GTF2IRD2: variants seen among roughly 807,000 people sequenced by gnomAD.
The protein encoded by GTF2IRD2 is GTF2I repeat domain containing 2.
GTF2IRD2 carries 8 observed loss-of-function variants against 49.2 expected under a neutral mutation model. The observed-to-expected ratio is 0.16, with a 90% confidence interval of 0.10 to 0.29. GTF2IRD2 has a LOEUF of 0.29. GTF2IRD2 is among the 10% of genes least tolerant of loss of function. The probability of loss-of-function intolerance (pLI) is 1.00; values close to 1 mark genes in which losing one functional copy is unlikely to be tolerated. For missense variants in GTF2IRD2, 130 were observed against 725.7 expected (o/e 0.18, Z 9.43); for synonymous variants, 47 against 289.7 (o/e 0.16, Z 8.51).
chr7:74,823,116 C>T (rs1374964544), intron 4 of GTF2IRD2, among the ~76,000 whole-genome samples: 1 of 95,126 alleles, frequency 1.1e-5, no homozygotes, highest in South Asian at 3.9e-4. Flanking sequence ...TGAGCTCAGG[C>T]GATCTACCCA....
rs1554420376 is a variant in GTF2IRD2, at chr7:74,831,483, A to T, written c.238+1322T>A. ...CTTTATATACCCTCTGCCAATCCAT[A>T]GAGACCCCTCTCTCTGTACATACAC... On this transcript the variant is annotated intron_variant, in intron 3 of 15. Coordinates refer to ENST00000451013, the MANE Select transcript of GTF2IRD2 (RefSeq NM_173537.5). Among the ~76,000 whole-genome samples the T allele has an allele frequency of 4.1e-5, 6 of 146,038 alleles. No homozygotes were observed. The South Asian group carries it at 8.8e-4, about 21-fold the overall frequency.
At chr7:74,798,795 C>A (rs2131627649) in intron 15 of GTF2IRD2, among the ~76,000 whole-genome samples, 1 of 136,136 alleles carries the variant, frequency 7.3e-6, no homozygotes, top group East Asian at 2.3e-4. Context: ...AAGCATGAGC[C>A]ACTGCACCCA....
At chr7:74,836,133 T>G in intron 2 of GTF2IRD2, 147 bp downstream of exon 2, 1 of 808,406 alleles carries the variant, frequency 1.2e-6, no homozygotes, top group South Asian at 1.5e-5. Context: ...ATTGTGCCAC[T>G]GCACTCCAGC....
chr7:74,807,314 A>G (rs1797854656), intron 11 of GTF2IRD2, among the ~76,000 whole-genome samples: 2 of 104,782 alleles, frequency 1.9e-5, no homozygotes, highest in South Asian at 4.0e-4. Context: ...GACTGAGTCT[A>G]TCACCCAGGC....
intron 1 of GTF2IRD2, 149 bp from the exon 2 acceptor site, chr7:74,836,532 T>C (rs1800350452): frequency 1.5e-6 from 1 of 659,090 alleles, no homozygotes; most frequent in Admixed American, 2.5e-5. Flanking sequence ...GACTTGCCCA[T>C]GAGCTCCTGA....
At chr7:74,824,152 C>T (rs1390316656) in intron 4 of GTF2IRD2, among the ~76,000 whole-genome samples, 4 of 130,514 alleles carry the variant, frequency 3.1e-5, no homozygotes, top group South Asian at 2.7e-4. Context: ...GGCAACAGAG[C>T]GAGACTCTGC....
chr7:74,825,803 T>TG (rs1563016883), intron 3 of GTF2IRD2, among the ~76,000 whole-genome samples: 4 of 2,050 alleles, frequency 2.0e-3, no homozygotes, highest in Non-Finnish European at 8.0e-4. Context: ...TTCTTTCTTC[T>TG]TTTTTTTTTT....
chr7:74,807,268 C>T (rs1797850327), intron 11 of GTF2IRD2, among the ~76,000 whole-genome samples: 1 of 106,472 alleles, frequency 9.4e-6, no homozygotes, highest in African/African-American at 3.3e-5. Flanking sequence ...CAGACATGCA[C>T]CATCATGCTT....
intron 3 of GTF2IRD2, among the ~76,000 whole-genome samples, chr7:74,830,550 G>A (rs1215617641): frequency 6.8e-6 from 1 of 146,606 alleles, no homozygotes; most frequent in Non-Finnish European, 1.5e-5. Flanking sequence ...AAAAAAGAAA[G>A]AAATCATATC....
chr7:74,838,338 G>A (rs1342514451), intron 1 of GTF2IRD2, among the ~76,000 whole-genome samples: 7 of 132,030 alleles, frequency 5.3e-5, no homozygotes, highest in Non-Finnish European at 1.1e-4. Flanking sequence ...ACTTCCCTTC[G>A]GACTTCTGTC....
At chr7:74,835,918 G>C (rs1800264081) in intron 2 of GTF2IRD2, among the ~76,000 whole-genome samples, 1 of 123,032 alleles carries the variant, frequency 8.1e-6, no homozygotes, top group African/African-American at 4.9e-5. Context: ...CCGGGAGGCG[G>C]AGGTTGCAGT....
chr7:74,806,415 TTCTTCAGCCTCA>T (rs1554417247), intron 12 of GTF2IRD2, among the ~76,000 whole-genome samples: 1 of 147,142 alleles, frequency 6.8e-6, no homozygotes, highest in African/African-American at 2.5e-5. Flanking sequence ...GTTCACGCCA[TTCTTCAGCCTCA>T]GCCTCCCGAG....
intron 4 of GTF2IRD2, 30 bp from the exon 5 acceptor site, chr7:74,822,837 G>C: frequency 6.5e-7 from 1 of 1,549,218 alleles, no homozygotes; most frequent in Non-Finnish European, 8.7e-7. Context: ...TCTTTGGATG[G>C]TGTGAACCTA....
intron 10 of GTF2IRD2, among the ~76,000 whole-genome samples, chr7:74,810,139 G>A (rs1162521598): frequency 7.2e-4 from 12 of 16,564 alleles, no homozygotes; most frequent in African/African-American, 1.7e-3. Flanking sequence ...ACAAACCACC[G>A]TAGGAATTTA....
rs1264130624 is a variant in GTF2IRD2, at chr7:74,796,494, G to A, written c.*168C>T. On this transcript the variant is annotated 3_prime_UTR_variant, in exon 16 of 16. Transcript: ENST00000451013. ...GGAGAATCGTTCGAACCCAGGAGCT[G>A]GAAGTTGCAGTAAGCCGAGATCACG... 2 of 568,770 alleles carry A rather than the reference G, an allele frequency of 3.5e-6. No individual in the cohort carries two copies. The highest frequency in any genetic ancestry group is 3.8e-5 in the African/African-American group (2 of 52,724). The allele number at this position is 568,770 out of a possible 1,614,324, so 35.2% of individuals were successfully genotyped here.
intron 15 of GTF2IRD2, among the ~76,000 whole-genome samples, chr7:74,798,491 A>C (rs1554416621): frequency 6.6e-6 from 1 of 151,694 alleles, no homozygotes; most frequent in South Asian, 2.1e-4. Flanking sequence ...TTTCTAAAGA[A>C]AACCTGAAGA....
At chr7:74,830,917 AAC>A (rs1307504150) in intron 3 of GTF2IRD2, among the ~76,000 whole-genome samples, 9 of 131,442 alleles carry the variant, frequency 6.8e-5, no homozygotes, top group African/African-American at 2.3e-4. Context: ...CCAATTTCAG[AAC>A]AGTTTCATTA....
intron 3 of GTF2IRD2, among the ~76,000 whole-genome samples, chr7:74,832,147 C>T: frequency 1.4e-4 from 1 of 6,996 alleles, no homozygotes; most frequent in East Asian, 1.5e-3. Flanking sequence ...CCTGTAATTC[C>T]AGTACTTTGG....
At chr7:74,843,063 T>C (rs1167596068) in intron 1 of GTF2IRD2, among the ~76,000 whole-genome samples, 1 of 49,144 alleles carries the variant, frequency 2.0e-5, no homozygotes, top group Non-Finnish European at 3.7e-5. Context: ...GTAGCTGAGA[T>C]TACAGGCTTG....
Sources: gnomAD v4.1 joint callset for allele counts (sites outside exome capture counted in the v4.1 genomes callset) on GRCh38, gnomAD v4.1.1 for gene constraint, MANE v1.5 for transcripts, NCBI Gene and HGNC (gene_info 2026-07-23, HGNC 2026-07-21) for gene names.